HIVEP3: variants seen among roughly 807,000 people sequenced by gnomAD.
The protein encoded by HIVEP3 is HIVEP zinc finger 3, also known as transcription factor HIVEP3.
In HIVEP3, 49 loss-of-function variants were observed where a neutral mutation model predicts 152.8. The observed-to-expected ratio is 0.32, with a 90% CI of 0.26 to 0.41. The LOEUF (loss-of-function observed/expected upper bound fraction) is 0.41, where lower values mean the gene tolerates loss of function less well. Among genes scored for constraint, HIVEP3 ranks in the 10% least tolerant of loss-of-function variants. HIVEP3 has a pLI of 1.00. For synonymous variants in HIVEP3, 1,269 were observed against 1,289.0 expected, an observed-to-expected ratio of 0.98 and a Z score of 0.33; for missense variants, 2,790 against 3,103.3, an observed-to-expected ratio of 0.90 and a Z score of 2.40.
intron 5 of HIVEP3, among the ~76,000 whole-genome samples, chr1:41,541,858 G>A (rs770212681): frequency 2.0e-5 from 3 of 152,198 alleles, no homozygotes; most frequent in Non-Finnish European, 2.9e-5. Flanking sequence ...TGTTCACTCT[G>A]TAATAACTCA....
At chr1:42,027,942 T>C (rs1645591860) in intron 1 of HIVEP3, among the ~76,000 whole-genome samples, 1 of 152,132 alleles carries the variant, frequency 6.6e-6, no homozygotes. Flanking sequence ...GGAGATACAA[T>C]TCAAGTTGAG....
chr1:41,807,009 C>A (rs1407565747), intron 1 of HIVEP3, among the ~76,000 whole-genome samples: 1 of 118,376 alleles, frequency 8.4e-6, no homozygotes, highest in Non-Finnish European at 1.9e-5. Flanking sequence ...GGTGCAGTTT[C>A]CTCCCTTCCT....
chr1:41,531,861 T>G (rs1351548560), intron 5 of HIVEP3, among the ~76,000 whole-genome samples: 22 of 64,028 alleles, frequency 3.4e-4, no homozygotes, highest in African/African-American at 5.4e-4. Flanking sequence ...AGACGGGAGA[T>G]GGAGGACAGG....
At chr1:41,911,429 C>T (rs1347505059) in intron 1 of HIVEP3, among the ~76,000 whole-genome samples, 4 of 152,134 alleles carry the variant, frequency 2.6e-5, no homozygotes, top group African/African-American at 2.4e-5. Context: ...TGGTTAAACA[C>T]ATTGGAAATT....
chr1:41,789,955 C>T (rs1313912514), intron 1 of HIVEP3, among the ~76,000 whole-genome samples: 2 of 152,170 alleles, frequency 1.3e-5, no homozygotes, highest in Non-Finnish European at 2.9e-5. Context: ...CACGTAACAC[C>T]CAGGTCAAAT....
chr1:41,530,537 C>A (rs1008078944), intron 5 of HIVEP3, among the ~76,000 whole-genome samples: 10 of 152,206 alleles, frequency 6.6e-5, no homozygotes, highest in Non-Finnish European at 1.2e-4. Flanking sequence ...TTGGTCTCCC[C>A]TTTGCACTGG....
At chr1:41,713,662 C>G (rs1056250877) in intron 1 of HIVEP3, among the ~76,000 whole-genome samples, 1 of 152,260 alleles carries the variant, frequency 6.6e-6, no homozygotes, top group East Asian at 1.9e-4. Flanking sequence ...GTTCTTCCCA[C>G]AACATCCAGC....
chr1:41,881,797 A>G (rs1220295551), intron 1 of HIVEP3, among the ~76,000 whole-genome samples: 2 of 152,230 alleles, frequency 1.3e-5, no homozygotes, highest in East Asian at 3.8e-4. Context: ...GTGTTTTATT[A>G]TTTGCCTTTT....
At chr1:41,988,926 T>C (rs1028141252) in intron 1 of HIVEP3, among the ~76,000 whole-genome samples, 9 of 152,186 alleles carry the variant, frequency 5.9e-5, no homozygotes, top group Non-Finnish European at 1.0e-4. Context: ...AAAACACAGA[T>C]GAACCTAAAG....
chr1:41,581,259 G>A lies in HIVEP3; in HGVS notation c.3539C>T (p.Pro1180Leu). ...SLLSSPYSMP[P>L]LPPSLFQAPP... ...GGCTTGAAATAAGGAGGGAGGAAGTGGGGGCATGGAGTATGGTGAGGACAG... is the reference window on the plus strand; with the variant it reads ...GGCTTGAAATAAGGAGGGAGGAAGTAGGGGCATGGAGTATGGTGAGGACAG... Residue 1180 changes from proline (P) to leucine (L), a missense_variant, in exon 4 of 9, where the codon CCA becomes CTA. By Grantham distance (98) the Pro-to-Leu change is moderately conservative. Around this residue, in one of 9 missense-constraint regions of HIVEP3, gnomAD observed 1,078 missense variants for 1,165.3 expected, o/e 0.93. Coordinates refer to ENST00000372583, the MANE Select transcript of HIVEP3 (RefSeq NM_024503.5). The surrounding 1 kb of genome is among the most constrained non-coding windows in gnomAD (Gnocchi z 4.5). The A allele has an allele frequency of 6.3e-7, 1 of 1,596,726 alleles. No homozygotes were observed. Among genetic ancestry groups the A allele is most frequent in the Non-Finnish European group, 8.5e-7 (1 of 1,172,004 alleles).
chr1:41,781,327 C>T (rs1197718907), intron 1 of HIVEP3, among the ~76,000 whole-genome samples: 1 of 152,208 alleles, frequency 6.6e-6, no homozygotes, highest in East Asian at 1.9e-4. Context: ...CAGCTCCTCC[C>T]TCCTGCTCAT....
intron 1 of HIVEP3, among the ~76,000 whole-genome samples, chr1:42,004,046 A>G (rs934687945): frequency 6.6e-6 from 1 of 152,172 alleles, no homozygotes; most frequent in Non-Finnish European, 1.5e-5. Flanking sequence ...GCAACTGCCA[A>G]GTAAGGAAAG....
intron 5 of HIVEP3, among the ~76,000 whole-genome samples, chr1:41,556,872 C>T (rs1643974300): frequency 1.3e-5 from 2 of 152,236 alleles, no homozygotes; most frequent in Non-Finnish European, 2.9e-5. Context: ...GCTTTTGCAT[C>T]ATTCCTTGGA....
intron 2 of HIVEP3, among the ~76,000 whole-genome samples, chr1:41,635,982 A>G (rs1353171047): frequency 6.6e-6 from 1 of 152,252 alleles, no homozygotes; most frequent in Non-Finnish European, 1.5e-5. Context: ...ATTAGCAGAG[A>G]AAGAATGGAT....
At chr1:41,703,812 G>A (rs1051669795) in intron 1 of HIVEP3, among the ~76,000 whole-genome samples, 12 of 152,212 alleles carry the variant, frequency 7.9e-5, no homozygotes, top group African/African-American at 2.7e-4. Flanking sequence ...CAAGGCAAAA[G>A]AATAGCTGAA....
chr1:41,814,751 T>C (rs1452151629), intron 1 of HIVEP3, among the ~76,000 whole-genome samples: 1 of 152,256 alleles, frequency 6.6e-6, no homozygotes, highest in Non-Finnish European at 1.5e-5. Context: ...ATGTTTCCAT[T>C]CCACAGGTAA....
intron 1 of HIVEP3, among the ~76,000 whole-genome samples, chr1:41,967,665 A>C (rs1645206813): frequency 6.6e-6 from 1 of 152,182 alleles, no homozygotes; most frequent in South Asian, 2.1e-4. Flanking sequence ...ACAAACCCCA[A>C]AGTTAGCAGA....
At position 41,611,474 on chromosome 1, in the gene HIVEP3, A is replaced by G. The variant is rs75012428; in HGVS notation, c.-522+17275T>C. On this transcript the variant is annotated intron_variant, in intron 3 of 8. Transcript: ENST00000372583. ...TGTCCTCAGTCCTCAGAACGAGCCT[A>G]TCAGGCCGGCAATGTTTTTACATCC... is the stretch of plus-strand genomic sequence containing the variant. Among the ~76,000 whole-genome samples, 386 of 152,330 alleles carry G rather than the reference A, an allele frequency of 2.5e-3. 7 individuals carry two copies. In the South Asian group the frequency reaches 0.041, roughly 16 times the overall value.
chr1:41,667,295 C>T (rs1301702362), intron 2 of HIVEP3, among the ~76,000 whole-genome samples: 1 of 152,240 alleles, frequency 6.6e-6, no homozygotes, highest in Non-Finnish European at 1.5e-5. Context: ...CTACAGGAGG[C>T]CAGTTGGCCT....
Sources: allele counts gnomAD v4.1 joint callset (sites outside exome capture counted in the v4.1 genomes callset), GRCh38; gene constraint gnomAD v4.1.1; regional missense constraint gnomAD v4.1.1; non-coding constraint Gnocchi (gnomAD v3.1); transcripts MANE v1.5; gene names NCBI Gene and HGNC (gene_info 2026-07-23, HGNC 2026-07-21).